The following ACYP2 variants were observed in gnomAD, a reference collection of about 807,000 sequenced individuals.
ACYP2 encodes the protein acylphosphatase 2.
In ACYP2, 12 loss-of-function variants were observed where a neutral mutation model predicts 11.2. The ratio of observed to expected loss-of-function variants is 1.08; its 90% CI spans 0.69 to 1.74. ACYP2 has a LOEUF of 1.74. ACYP2 is among the 40% of genes most tolerant of loss of function. The pLI is 0.00. For synonymous variants in ACYP2, 43 were observed against 32.2 expected (o/e 1.33, Z -1.13); for missense variants, 134 against 101.9 (o/e 1.31, Z -1.35).
intron 2 of ACYP2, among the ~76,000 whole-genome samples, chr2:54,028,563 A>T (rs1481780785): frequency 1.3e-5 from 2 of 152,210 alleles, no homozygotes; most frequent in Non-Finnish European, 1.5e-5. Context: ...AGTTTTTATT[A>T]ACTGAACTCA....
chr2:54,267,000 C>G (rs1394987475), intron 6 of ACYP2, among the ~76,000 whole-genome samples: 1 of 152,106 alleles, frequency 6.6e-6, no homozygotes. Flanking sequence ...AAAGCTCTTC[C>G]TTTTAAACTC....
chr2:54,048,408 GGAGT>G (rs1250411197), intron 2 of ACYP2, among the ~76,000 whole-genome samples: 1 of 152,120 alleles, frequency 6.6e-6, no homozygotes, highest in African/African-American at 2.4e-5. Flanking sequence ...CCTGAGTGAT[GGAGT>G]GAGTTTTGTC....
At chr2:54,149,617 T>C (rs2103806452) in intron 6 of ACYP2, among the ~76,000 whole-genome samples, 1 of 152,338 alleles carries the variant, frequency 6.6e-6, no homozygotes, top group South Asian at 2.1e-4. Context: ...TCAGAAAATA[T>C]ATTTTCCATA....
chr2:54,302,741 G>A (rs183071255), intron 6 of ACYP2, among the ~76,000 whole-genome samples: 31 of 152,100 alleles, frequency 2.0e-4, no homozygotes, highest in African/African-American at 7.2e-4. Context: ...TCCTCTCACA[G>A]TCTCTCCATT....
At chr2:54,183,586 C>T (rs565610545) in intron 6 of ACYP2, among the ~76,000 whole-genome samples, 2 of 151,778 alleles carry the variant, frequency 1.3e-5, no homozygotes, top group African/African-American at 4.8e-5. Context: ...CAGTAATGAC[C>T]TCAAATATTT....
chr2:54,219,145 A>G (rs7593099), intron 6 of ACYP2, among the ~76,000 whole-genome samples: 10,338 of 152,224 alleles, frequency 0.068, 1,144 homozygotes, highest in African/African-American at 0.23. Context: ...ACAGCTGGAC[A>G]GTAAGTGCTA....
intron 6 of ACYP2, among the ~76,000 whole-genome samples, chr2:54,141,342 C>G (rs575189569): frequency 2.0e-5 from 3 of 152,232 alleles, no homozygotes; most frequent in Admixed American, 2.0e-4. Flanking sequence ...GGTTAAGAAA[C>G]AGATTGTAAG....
At chr2:54,069,769 C>A (rs930024982) in intron 4 of ACYP2, among the ~76,000 whole-genome samples, 1 of 152,172 alleles carries the variant, frequency 6.6e-6, no homozygotes, top group Admixed American at 6.5e-5. Context: ...GGGTGACCAG[C>A]TGATGAATAT....
chr2:54,204,284 C>G (rs1239107798), intron 6 of ACYP2, among the ~76,000 whole-genome samples: 2 of 150,792 alleles, frequency 1.3e-5, no homozygotes, highest in Non-Finnish European at 1.5e-5. Flanking sequence ...TGAGCCACTG[C>G]GCCCGGCCAT....
chr2:54,264,733 A>C (rs1474274040), intron 6 of ACYP2, among the ~76,000 whole-genome samples: 1 of 152,220 alleles, frequency 6.6e-6, no homozygotes, highest in African/African-American at 2.4e-5. Flanking sequence ...TGTTTCAACA[A>C]GATACATGAT....
At chr2:54,266,300 G>A (rs1270521714) in intron 6 of ACYP2, among the ~76,000 whole-genome samples, 2 of 152,188 alleles carry the variant, frequency 1.3e-5, no homozygotes, top group African/African-American at 4.8e-5. Flanking sequence ...CACTGGACAT[G>A]CCCATGCCCT....
At chr2:54,072,877 T>C (rs1677139946) in intron 4 of ACYP2, among the ~76,000 whole-genome samples, 1 of 152,076 alleles carries the variant, frequency 6.6e-6, no homozygotes, top group African/African-American at 2.4e-5. Context: ...GCTACCTTTT[T>C]TAAAAGTGGA....
intron 4 of ACYP2, among the ~76,000 whole-genome samples, chr2:54,064,876 G>C (rs532700637): frequency 2.7e-4 from 41 of 152,234 alleles, no homozygotes; most frequent in Non-Finnish European, 4.7e-4. Flanking sequence ...ACAAAGTCAG[G>C]AGTTTGAGAC....
chr2:54,198,293 G>A lies in ACYP2; in HGVS notation c.404+59545G>A, dbSNP rs749740789. ...GCCTCCCAAAGTGCTGGGATTACACGTGTGTGTGCCACTGCGCCTGGGCAA... is the reference window on the plus strand; with the variant it reads ...GCCTCCCAAAGTGCTGGGATTACACATGTGTGTGCCACTGCGCCTGGGCAA... On this transcript the variant is annotated intron_variant, in intron 6 of 6. Coordinates refer to ENST00000607452, the MANE Select transcript of ACYP2 (RefSeq NM_001320586.2). 6.6e-5 allele frequency among the ~76,000 whole-genome samples: 10 copies of A among 152,092 alleles called. No individual in the cohort carries two copies. In the South Asian group the frequency reaches 1.2e-3, roughly 19 times the overall value.
chr2:54,065,363 T>C (rs1313242543), intron 4 of ACYP2: 6 of 396,740 alleles, frequency 1.5e-5, no homozygotes, highest in Non-Finnish European at 2.7e-5. Context: ...GATAATTTAA[T>C]GGCTGATCAA....
chr2:54,176,804 G>GCTTTATTC (rs1683482401), intron 6 of ACYP2, among the ~76,000 whole-genome samples: 1 of 152,190 alleles, frequency 6.6e-6, no homozygotes, highest in South Asian at 2.1e-4. Flanking sequence ...CTGTTGTTGA[G>GCTTTATTC]AGGGTACCAA....
At chr2:53,994,222 C>T (rs1300310550) in intron 2 of ACYP2, among the ~76,000 whole-genome samples, 5 of 146,840 alleles carry the variant, frequency 3.4e-5, no homozygotes, top group African/African-American at 5.0e-5. Context: ...CCCAGCTACT[C>T]GGAAGGCTGA....
chr2:54,082,256 T>G (rs1479822574), intron 4 of ACYP2, among the ~76,000 whole-genome samples: 1 of 152,092 alleles, frequency 6.6e-6, no homozygotes, highest in Non-Finnish European at 1.5e-5. Flanking sequence ...TTTTTTTCTT[T>G]TTTTTTTGAG....
chr2:54,060,723 T>A (rs562562321), intron 4 of ACYP2, among the ~76,000 whole-genome samples: 2 of 152,374 alleles, frequency 1.3e-5, no homozygotes, highest in African/African-American at 4.8e-5. Flanking sequence ...TGCTGCTTTT[T>A]ATGCACAGGA....
Sources: gnomAD v4.1 joint callset for allele counts (sites outside exome capture counted in the v4.1 genomes callset) on GRCh38, gnomAD v4.1.1 for gene constraint, MANE v1.5 for transcripts, NCBI Gene and HGNC (gene_info 2026-07-23, HGNC 2026-07-21) for gene names.